ZNF521: variants seen among roughly 807,000 people sequenced by gnomAD.
ZNF521 encodes zinc finger protein 521.
ZNF521 carries 14 observed loss-of-function variants against 105.5 expected under a neutral mutation model. The ratio of observed to expected loss-of-function variants is 0.13; its 90% CI spans 0.09 to 0.21. ZNF521 has a LOEUF of 0.21. ZNF521 is among the 10% of genes least tolerant of loss of function. ZNF521 has a pLI of 1.00. For synonymous variants in ZNF521, 635 were observed against 606.0 expected (o/e 1.05, Z -0.70); for missense variants, 1,233 against 1,629.7 (o/e 0.76, Z 4.19).
At chr18:25,168,756 G>A (rs45579137) in intron 5 of ZNF521, among the ~76,000 whole-genome samples, 3,824 of 152,246 alleles carry the variant, frequency 0.025, 69 homozygotes, top group Non-Finnish European at 0.04. Context: ...TTCCAGGCAC[G>A]TACAGTACCT....
intron 4 of ZNF521, among the ~76,000 whole-genome samples, chr18:25,209,256 T>C (rs2036135531): frequency 6.6e-6 from 1 of 151,962 alleles, no homozygotes; most frequent in Non-Finnish European, 1.5e-5. Context: ...CTCAGCCTCC[T>C]GAGTAGCTGG....
chr18:25,349,159 T>C (rs537062329), intron 2 of ZNF521, among the ~76,000 whole-genome samples: 36 of 152,258 alleles, frequency 2.4e-4, no homozygotes, highest in African/African-American at 7.9e-4. Context: ...GCTATCCTAC[T>C]TCAACTCGGA....
At chr18:25,299,739 C>T (rs1470926261) in intron 3 of ZNF521, among the ~76,000 whole-genome samples, 1 of 152,168 alleles carries the variant, frequency 6.6e-6, no homozygotes, top group Non-Finnish European at 1.5e-5. Context: ...GAACAAAAGA[C>T]TACAGTTTAA....
intron 3 of ZNF521, among the ~76,000 whole-genome samples, chr18:25,296,543 T>C (rs1445480949): frequency 6.6e-6 from 1 of 152,152 alleles, no homozygotes; most frequent in African/African-American, 2.4e-5. Context: ...GGAGGGTGCA[T>C]ATGGAACAGG....
chr18:25,313,303 G>A (rs1912423302), intron 3 of ZNF521, among the ~76,000 whole-genome samples: 1 of 151,612 alleles, frequency 6.6e-6, no homozygotes, highest in Non-Finnish European at 1.5e-5. Context: ...AAAATCCTCA[G>A]ATTTTGACAA....
At chr18:25,069,465 C>A (rs532168326) in intron 7 of ZNF521, among the ~76,000 whole-genome samples, 1 of 152,156 alleles carries the variant, frequency 6.6e-6, no homozygotes, top group South Asian at 2.1e-4. Context: ...TCTGGGAGTA[C>A]CATTAGGAAT....
chr18:25,338,019 GA>G (rs2145197357), intron 2 of ZNF521, among the ~76,000 whole-genome samples: 1 of 152,172 alleles, frequency 6.6e-6, no homozygotes, highest in East Asian at 1.9e-4. Context: ...TTGGGGAAAA[GA>G]AAAAACACTC....
chr18:25,203,977 C>T (rs1056812792), intron 4 of ZNF521, among the ~76,000 whole-genome samples: 6 of 151,978 alleles, frequency 3.9e-5, no homozygotes, highest in African/African-American at 9.7e-5. Flanking sequence ...TCACGAGATG[C>T]GGTCACTTAA....
intron 3 of ZNF521, among the ~76,000 whole-genome samples, chr18:25,266,544 G>T (rs920386197): frequency 6.6e-6 from 1 of 152,152 alleles, no homozygotes; most frequent in Non-Finnish European, 1.5e-5. Context: ...TTCCAACTGA[G>T]GTACCCAGTT....
chr18:25,329,379 G>A (rs1230386524), intron 2 of ZNF521, among the ~76,000 whole-genome samples: 2 of 152,164 alleles, frequency 1.3e-5, no homozygotes, highest in Non-Finnish European at 2.9e-5. Context: ...GTAAGTCAAC[G>A]ACTACAGCAA....
At chr18:25,095,240 T>G (rs979971294) in intron 5 of ZNF521, among the ~76,000 whole-genome samples, 2 of 152,142 alleles carry the variant, frequency 1.3e-5, no homozygotes, top group Non-Finnish European at 2.9e-5. Context: ...GCACCTCTAT[T>G]CAGGATTTTG....
intron 5 of ZNF521, among the ~76,000 whole-genome samples, chr18:25,106,678 CTTAAATA>C (rs2034080330): frequency 1.3e-5 from 2 of 152,218 alleles, no homozygotes; most frequent in South Asian, 4.2e-4. Context: ...TTGTGTGTTG[CTTAAATA>C]TTAATTTCTG....
chr18:25,338,833 A>G (rs1317644321), intron 2 of ZNF521, among the ~76,000 whole-genome samples: 1 of 152,260 alleles, frequency 6.6e-6, no homozygotes, highest in Non-Finnish European at 1.5e-5. Flanking sequence ...AAGCAGAAAC[A>G]TAATTAGATG....
chr18:25,311,803 A>G (rs1186859199), intron 3 of ZNF521, among the ~76,000 whole-genome samples: 1 of 152,218 alleles, frequency 6.6e-6, no homozygotes, highest in South Asian at 2.1e-4. Context: ...TATATTCATT[A>G]TTCATTACAC....
intron 4 of ZNF521, among the ~76,000 whole-genome samples, chr18:25,207,002 C>T (rs1271255176): frequency 6.6e-6 from 1 of 152,090 alleles, no homozygotes; most frequent in Admixed American, 6.5e-5. Flanking sequence ...CTTTTAACCC[C>T]TTGATTTAAC....
intron 5 of ZNF521, among the ~76,000 whole-genome samples, chr18:25,158,784 C>G (rs780193495): frequency 1.3e-5 from 2 of 151,870 alleles, no homozygotes; most frequent in African/African-American, 4.8e-5. Flanking sequence ...GGTGAAACCC[C>G]ATCTCTACTA....
chr18:25,193,472 T>C (rs2035852548), intron 5 of ZNF521, among the ~76,000 whole-genome samples: 1 of 152,050 alleles, frequency 6.6e-6, no homozygotes, highest in Admixed American at 6.6e-5. Context: ...TTCTAAGAAC[T>C]GCCTTCATTC....
chr18:25,263,151 G>T (rs77593441), intron 3 of ZNF521, among the ~76,000 whole-genome samples: 4 of 152,140 alleles, frequency 2.6e-5, no homozygotes, highest in African/African-American at 4.8e-5. Context: ...AGGTCAGAAT[G>T]AGTCTCACTT....
intron 3 of ZNF521, among the ~76,000 whole-genome samples, chr18:25,308,348 A>G (rs1912097566): frequency 6.6e-6 from 1 of 152,138 alleles, no homozygotes; most frequent in East Asian, 1.9e-4. Flanking sequence ...CCTGACCTAT[A>G]GAAACTTTGA....
Sources: gnomAD v4.1 joint callset for allele counts (sites outside exome capture counted in the v4.1 genomes callset) on GRCh38, gnomAD v4.1.1 for gene constraint, MANE v1.5 for transcripts, NCBI Gene and HGNC (gene_info 2026-07-23, HGNC 2026-07-21) for gene names.